The following KCNT1 variants were observed in gnomAD, a reference collection of about 807,000 sequenced individuals.
The protein encoded by KCNT1 is potassium channel subfamily T member 1.
KCNT1 carries 78 observed loss-of-function variants against 147.8 expected under a neutral mutation model. That is an observed-to-expected ratio of 0.53 (90% confidence interval 0.44 to 0.64). The LOEUF is 0.64. Among genes scored for constraint, KCNT1 ranks in the 30% least tolerant of loss-of-function variants. The pLI is 0.00. For synonymous variants in KCNT1, 867 were observed against 748.8 expected, an observed-to-expected ratio of 1.16 and a Z score of -2.58; for missense variants, 1,419 against 1,750.3, an observed-to-expected ratio of 0.81 and a Z score of 3.38.
At chr9:135,770,088 C>T (rs1832645318) in intron 16 of KCNT1, 33 bp downstream of exon 16, 13 of 1,523,170 alleles carry the variant, frequency 8.5e-6, no homozygotes, top group Non-Finnish European at 1.2e-5. Context: ...GACCGACCTC[C>T]ATGGCGGGGC....
At chr9:135,758,693 C>T (rs375037871) in intron 10 of KCNT1, among the ~76,000 whole-genome samples, 185 bp downstream of exon 10, 1 of 152,236 alleles carries the variant, frequency 6.6e-6, no homozygotes, top group Non-Finnish European at 1.5e-5. Context: ...TCCAAGCCCA[C>T]GTCCCCAGTA....
chr9:135,706,209 A>C (rs1372390062), intron 1 of KCNT1, among the ~76,000 whole-genome samples: 1 of 152,198 alleles, frequency 6.6e-6, no homozygotes, highest in Non-Finnish European at 1.5e-5. Flanking sequence ...CTGACAGCAC[A>C]TACTTGGTGT....
intron 11 of KCNT1, among the ~76,000 whole-genome samples, chr9:135,760,851 C>T (rs542167778): frequency 1.3e-5 from 2 of 152,242 alleles, no homozygotes; most frequent in African/African-American, 4.8e-5. Flanking sequence ...TCCAGTGCCA[C>T]GAGTCCCGCT....
At chr9:135,779,167 C>G (rs1833414167) in intron 23 of KCNT1, among the ~76,000 whole-genome samples, 192 bp from the exon 24 acceptor site, 1 of 150,062 alleles carries the variant, frequency 6.7e-6, no homozygotes. Context: ...GGGCCTCTGC[C>G]CTGAGACCCC....
chr9:135,720,904 C>A (rs1330443625), intron 2 of KCNT1, among the ~76,000 whole-genome samples: 1 of 152,228 alleles, frequency 6.6e-6, no homozygotes, highest in East Asian at 1.9e-4. Flanking sequence ...ATGTGACAGA[C>A]TCAGGTGTAG....
In KCNT1 at chr9:135,758,497, C is replaced by T. The variant is rs780294486; in HGVS notation, c.843C>T (p.Leu281=). The change falls in exon 10 of 31, where the codon CTC becomes CTT. Residue 281 remains leucine, a synonymous_variant. Transcript: ENST00000371757. The part of the protein sequence containing the change: ...VLILFCTLLC[L]VFTGTCGIQH... The stretch of plus-strand genomic sequence containing the variant: ...TCCTCTTCTGCACCCTGCTGTGCCT[C>T]GTTTTCACGGGGTGAGTGCCGGCCG... The T allele has an allele frequency of 2.4e-5, 39 of 1,613,264 alleles. No homozygotes were observed. Among genetic ancestry groups the T allele is most frequent in the Middle Eastern group, 1.6e-4 (1 of 6,084 alleles).
At chr9:135,727,551 G>A (rs934018425) in intron 2 of KCNT1, among the ~76,000 whole-genome samples, 3 of 152,100 alleles carry the variant, frequency 2.0e-5, no homozygotes, top group South Asian at 2.1e-4. Context: ...GCCTGGGAAC[G>A]GGGAGGGGGA....
intron 2 of KCNT1, among the ~76,000 whole-genome samples, chr9:135,748,944 G>C (rs1021835625): frequency 3.3e-5 from 5 of 152,202 alleles, no homozygotes; most frequent in Non-Finnish European, 7.4e-5. Flanking sequence ...AGGGCACAGG[G>C]CCATGGCTGG....
At chr9:135,722,280 C>A (rs1202664290) in intron 2 of KCNT1, among the ~76,000 whole-genome samples, 1 of 151,944 alleles carries the variant, frequency 6.6e-6, no homozygotes, top group African/African-American at 2.4e-5. Context: ...GGGGCTGCAT[C>A]CCCCGTCCCA....
chr9:135,721,542 C>T (rs117032499), intron 2 of KCNT1, among the ~76,000 whole-genome samples: 1,869 of 152,272 alleles, frequency 0.012, 12 homozygotes, highest in Middle Eastern at 0.034. Context: ...GGGAGGGTGC[C>T]GGCCATGCGC....
Position 135,770,854 on chromosome 9 carries a change from C to T in KCNT1, c.1770-3C>T, listed in dbSNP as rs1832704918. On this transcript the variant is annotated splice_region_variant and splice_polypyrimidine_tract_variant and intron_variant, in intron 17 of 30. Coordinates refer to ENST00000371757, the MANE Select transcript of KCNT1 (RefSeq NM_020822.3). ...ACCTGAAGTTGCCGGTGCCTCTGCC[C>T]AGGTATGGCGTGTGCCTCATCGGGC... 1 of 1,563,676 alleles carries T rather than the reference C, an allele frequency of 6.4e-7. No homozygotes were observed. Among genetic ancestry groups the T allele is most frequent in the Non-Finnish European group, 8.7e-7 (1 of 1,153,148 alleles).
chr9:135,703,749 G>C (rs1199799195), intron 1 of KCNT1, among the ~76,000 whole-genome samples: 1 of 152,200 alleles, frequency 6.6e-6, no homozygotes, highest in Non-Finnish European at 1.5e-5. Flanking sequence ...CACCTACCCT[G>C]CTGGGCCTGA....
intron 2 of KCNT1, among the ~76,000 whole-genome samples, chr9:135,744,865 G>A (rs1263528375): frequency 6.6e-6 from 1 of 152,220 alleles, no homozygotes; most frequent in Admixed American, 6.5e-5. Flanking sequence ...GAGTCTCACC[G>A]GCCCTGCGTC....
chr9:135,783,144 G>A (rs1448931327), intron 24 of KCNT1, among the ~76,000 whole-genome samples: 1 of 152,232 alleles, frequency 6.6e-6, no homozygotes, highest in Non-Finnish European at 1.5e-5. Flanking sequence ...GGCCGGGTCC[G>A]GAGCCCGTGG....
intron 2 of KCNT1, among the ~76,000 whole-genome samples, chr9:135,743,182 C>T (rs1192707474): frequency 2.0e-5 from 3 of 152,160 alleles, no homozygotes; most frequent in East Asian, 1.9e-4. Flanking sequence ...CTGCCTGTGC[C>T]GGTCGAGCTC....
rs1169550413 is a variant in KCNT1 at position 135,730,789 on chromosome 9, C to T, written c.254+16069C>T. Among the ~76,000 whole-genome samples, 1 of 151,974 alleles carries T rather than the reference C, an allele frequency of 6.6e-6. No homozygotes were observed. The highest frequency in any genetic ancestry group is 1.5e-5 in the Non-Finnish European group (1 of 67,984). ...TCTCTCGAGCTCAGGAGTTCCAGAC[C>T]AGCCTGGGCAACATGGCAAAACCCT... On this transcript the variant is annotated intron_variant, in intron 2 of 30. Transcript: ENST00000371757. This position sits in a 1 kb window ranked among gnomAD's most constrained non-coding sequence, Gnocchi z 4.7.
rs1268453028 is a variant in KCNT1, at chr9:135,714,404, C to T, written c.111-173C>T. ...CCCCAGCCCGGCGCAGCCGGTCCCG[C>T]GCGCCCCCGCCCGCATGTGCCGCCA... On this transcript the variant is annotated intron_variant, in intron 1 of 30. Coordinates refer to ENST00000371757, the MANE Select transcript of KCNT1 (RefSeq NM_020822.3). This position sits in a 1 kb window ranked among gnomAD's most constrained non-coding sequence, Gnocchi z 6.2. 1 of 176,202 alleles carries T rather than the reference C, an allele frequency of 5.7e-6. No individual in the cohort carries two copies. The highest frequency in any genetic ancestry group is 2.4e-5 in the African/African-American group (1 of 41,492). 10.9% of individuals were successfully genotyped at this position (176,202 alleles called of 1,614,324 possible).
intron 2 of KCNT1, among the ~76,000 whole-genome samples, chr9:135,735,410 G>T (rs188273786): frequency 4.2e-3 from 642 of 152,312 alleles, no homozygotes; most frequent in Non-Finnish European, 7.0e-3. Context: ...AGAAATGGAA[G>T]CCTGTGCTGC....
intron 12 of KCNT1, 46 bp from the exon 13 acceptor site, chr9:135,765,578 G>C: frequency 6.3e-7 from 1 of 1,578,600 alleles, no homozygotes; most frequent in Non-Finnish European, 8.6e-7. Flanking sequence ...CGCCCGGGCG[G>C]GGCAGGGGCT....
Sources: gnomAD v4.1 joint callset for allele counts (sites outside exome capture counted in the v4.1 genomes callset) on GRCh38, gnomAD v4.1.1 for gene constraint, Gnocchi (gnomAD v3.1) non-coding constraint, MANE v1.5 for transcripts, NCBI Gene and HGNC (gene_info 2026-07-23, HGNC 2026-07-21) for gene names.